Variants in ANKS6 observed in about 807,000 individuals in gnomAD.
ANKS6 encodes ankyrin repeat and SAM domain-containing protein 6.
Under a neutral mutation model 77.9 loss-of-function variants are expected in ANKS6, and 47 were observed. The ratio of observed to expected loss-of-function variants is 0.60; its 90% CI spans 0.48 to 0.77. The LOEUF is 0.77. Ranked by LOEUF, ANKS6 falls within the 30% of genes least tolerant of loss-of-function variation. ANKS6 has a pLI of 0.00. For synonymous variants in ANKS6, 488 were observed against 501.7 expected (o/e 0.97, Z 0.37); for missense variants, 1,150 against 1,159.1 (o/e 0.99, Z 0.11).
At position 98,782,467 on chromosome 9, in the gene ANKS6, C is replaced by T. The variant is rs182680872; in HGVS notation, c.1219G>A (p.Asp407Asn). 6 of 1,613,288 alleles carry T rather than the reference C, an allele frequency of 3.7e-6. No homozygotes were observed. Among genetic ancestry groups the T allele is most frequent in the East Asian group, 2.2e-5 (1 of 44,868 alleles). ...CAACCCTTTTCTTGAAATTACCTAC[C>T]GGGATCATTCAGCAGCATCACCAGG... ...FDLVMLLNDP[D>N]TELVRLLASV... is the part of the protein sequence containing the mutation. Residue 407 changes from aspartate to asparagine, a missense_variant and splice_region_variant, in exon 5 of 15, where the codon GAC (aspartate) becomes AAC (asparagine). Transcript: ENST00000353234.
At position 98,778,461 on chromosome 9, in the gene ANKS6, G is replaced by A. The variant is rs1432201493; in HGVS notation, c.1369-37C>T. 3.1e-6 allele frequency: 5 copies of A among 1,602,254 alleles called. No individual in the cohort carries two copies. In the Admixed American group the frequency reaches 8.5e-5, roughly 27 times the overall value. Reference sequence around the variant, plus strand: ...ACGCAGAGCAGAAGTCATGCTCCAGGAAGGGCAAGGAGACCAGGCCCAGGA... The same window carrying A: ...ACGCAGAGCAGAAGTCATGCTCCAGAAAGGGCAAGGAGACCAGGCCCAGGA... On this transcript the variant is annotated intron_variant, in intron 6 of 14. Transcript: ENST00000353234.
At chr9:98,750,709 G>T (rs577889235) in intron 13 of ANKS6, among the ~76,000 whole-genome samples, 2 of 152,176 alleles carry the variant, frequency 1.3e-5, no homozygotes, top group Admixed American at 1.3e-4. Context: ...GTTCCTTAGG[G>T]TTTACTATTA....
intron 10 of ANKS6, among the ~76,000 whole-genome samples, chr9:98,768,560 G>C (rs1833435665): frequency 6.6e-6 from 1 of 152,152 alleles, no homozygotes; most frequent in Non-Finnish European, 1.5e-5. Flanking sequence ...AGGCACAGAT[G>C]CAACACCCTG....
chr9:98,784,763 C>A, intron 3 of ANKS6, 69 bp downstream of exon 3: 2 of 1,457,758 alleles, frequency 1.4e-6, no homozygotes, highest in Non-Finnish European at 1.9e-6. Context: ...CAAAGGACTA[C>A]AAATATTAGG....
At position 98,758,312 on chromosome 9, in the gene ANKS6, T is replaced by A. The variant is rs558752448; in HGVS notation, c.2143-1709A>T. Among the ~76,000 whole-genome samples the A allele has an allele frequency of 2.3e-4, 33 of 143,548 alleles. 1 individual carries two copies. In the South Asian group the frequency reaches 7.6e-3, roughly 33 times the overall value. The allele number at this position is 143,548 out of a possible 152,430, so 94.2% of individuals were successfully genotyped here. A position where few individuals can be genotyped will look rare whatever the true frequency, so the allele number is the denominator to read the frequency against. ...GGTTGGCTCCTGTACCCTTTTGACA[T>A]GCGCCATCTTTCTTTTTTTTTTTTT... On this transcript the variant is annotated intron_variant, in intron 11 of 14. Coordinates refer to ENST00000353234, the MANE Select transcript of ANKS6 (RefSeq NM_173551.5).
chr9:98,732,779 T>C lies in ANKS6; in HGVS notation c.*3740A>G. On this transcript the variant is annotated 3_prime_UTR_variant, in exon 15 of 15. Transcript: ENST00000353234. ...TCAACATCACGCAGCACTAGGTCTA[T>C]GTCCAGTGCTCTTTCCAGGGTAACA... 7.2e-7 allele frequency: 1 copy of C among 1,385,120 alleles called. No homozygotes were observed. The highest frequency in any genetic ancestry group is 1.6e-5 in the South Asian group (1 of 62,084). 85.8% of individuals were successfully genotyped at this position (1,385,120 alleles called of 1,614,324 possible).
chr9:98,785,367 ATT>A (rs1475252322), intron 2 of ANKS6, among the ~76,000 whole-genome samples: 1 of 152,190 alleles, frequency 6.6e-6, no homozygotes, highest in African/African-American at 2.4e-5. Context: ...CAATGCTCAT[ATT>A]TTCTTTCCCT....
rs558382058 is a variant in ANKS6 at position 98,785,552 on chromosome 9, G to A, written c.863-676C>T. On this transcript the variant is annotated intron_variant, in intron 2 of 14. Transcript: ENST00000353234. ...CTGAGCCTTGCTGCAGCCGCCAGAT[G>A]TTAGCCCCTCCCTCACATGCTCATC... Among the ~76,000 whole-genome samples the A allele has an allele frequency of 4.6e-5, 7 of 152,334 alleles. No individual in the cohort carries two copies. The South Asian group carries it at 1.2e-3, about 27-fold the overall frequency.
intron 12 of ANKS6, among the ~76,000 whole-genome samples, 180 bp from the exon 13 acceptor site, chr9:98,751,276 C>CT (rs1433509406): frequency 6.6e-6 from 1 of 152,166 alleles, no homozygotes; most frequent in Non-Finnish European, 1.5e-5. Flanking sequence ...CCTGAGCTAC[C>CT]TGCACCCTCT....
At chr9:98,736,734 C>T (rs41283624) in intron 14 of ANKS6, 111 bp from the exon 15 acceptor site, 17 of 1,328,344 alleles carry the variant, frequency 1.3e-5, no homozygotes, top group Admixed American at 4.2e-5. Flanking sequence ...AACCCATGGG[C>T]GTCTTGGGGA....
At chr9:98,778,501 G>T in intron 6 of ANKS6, 77 bp from the exon 7 acceptor site, 4 of 1,403,482 alleles carry the variant, frequency 2.9e-6, no homozygotes, top group Non-Finnish European at 3.9e-6. Context: ...CCAGCCCAGA[G>T]ACAGTGACTA....
chr9:98,787,734 T>C (rs1044557138), intron 2 of ANKS6, among the ~76,000 whole-genome samples: 1 of 152,172 alleles, frequency 6.6e-6, no homozygotes, highest in African/African-American at 2.4e-5. Context: ...GACTATCTTA[T>C]GAAAAAAGAC....
chr9:98,758,390 T>A (rs988270016), intron 11 of ANKS6, among the ~76,000 whole-genome samples: 15 of 151,470 alleles, frequency 9.9e-5, no homozygotes, highest in African/African-American at 2.4e-4. Flanking sequence ...CAAAATATTC[T>A]AAGCTCATCT....
chr9:98,784,143 C>G lies in ANKS6; in HGVS notation c.922G>C (p.Val308Leu). 6.5e-7 allele frequency: 1 copy of G among 1,534,552 alleles called. No individual in the cohort carries two copies. Among genetic ancestry groups the G allele is most frequent in the Non-Finnish European group, 8.8e-7 (1 of 1,133,526 alleles). ...GGGTCTTCATCGGCAATCTCTTTGA[C>G]CAGCTGGAAGTTTCCTGCAAACACA... ...HALKMGNFQLVKEIADEDPSH... is the reference protein window; with the variant it reads ...HALKMGNFQLLKEIADEDPSH... The change falls in exon 4 of 15, where the codon GTC becomes CTC. Residue 308 changes from valine (V) to leucine (L), a missense_variant. By Grantham distance (32) the Val-to-Leu change is conservative. Transcript: ENST00000353234.
chr9:98,782,935 A>G (rs1011689175), intron 4 of ANKS6, among the ~76,000 whole-genome samples: 11 of 152,098 alleles, frequency 7.2e-5, no homozygotes, highest in Non-Finnish European at 1.5e-4. Context: ...TTTTGTTTAA[A>G]AATTAGCTAG....
intron 12 of ANKS6, among the ~76,000 whole-genome samples, chr9:98,753,034 A>G (rs1416886094): frequency 6.6e-6 from 1 of 152,148 alleles, no homozygotes; most frequent in African/African-American, 2.4e-5. Flanking sequence ...GTGTGCTGGT[A>G]AATGTTTAAC....
intron 14 of ANKS6, among the ~76,000 whole-genome samples, chr9:98,744,759 A>G (rs980724911): frequency 1.3e-5 from 2 of 152,216 alleles, no homozygotes; most frequent in Non-Finnish European, 2.9e-5. Flanking sequence ...GGCAATATTC[A>G]TAATAGCAAA....
intron 13 of ANKS6, among the ~76,000 whole-genome samples, chr9:98,746,346 T>C (rs1000075542): frequency 6.6e-6 from 1 of 152,092 alleles, no homozygotes; most frequent in East Asian, 1.9e-4. Context: ...AGCACACCCA[T>C]CACCTTGCAT....
At position 98,734,871 on chromosome 9, in the gene ANKS6, C is replaced by T; in HGVS notation, c.*1648G>A. 1 of 985,480 alleles carries T rather than the reference C, an allele frequency of 1.0e-6. No individual in the cohort carries two copies. The highest frequency in any genetic ancestry group is 1.2e-6 in the Non-Finnish European group (1 of 829,948). The allele number at this position is 985,480 out of a possible 1,614,324, so 61.0% of individuals were successfully genotyped here. ...GTAACAGCTAAATGAAACACTTTGT[C>T]TTCAGTCCTGTGGAAAGTTGGCTTC... On this transcript the variant is annotated 3_prime_UTR_variant, in exon 15 of 15. Transcript: ENST00000353234.
Sources: gnomAD v4.1 joint callset for allele counts (sites outside exome capture counted in the v4.1 genomes callset) on GRCh38, gnomAD v4.1.1 for gene constraint, MANE v1.5 for transcripts, NCBI Gene and HGNC (gene_info 2026-07-23, HGNC 2026-07-21) for gene names.